The following CHRM3 variants were observed in gnomAD, a reference collection of about 807,000 sequenced individuals.
CHRM3 encodes muscarinic acetylcholine receptor M3.
CHRM3 carries 11 observed loss-of-function variants against 41.8 expected under a neutral mutation model. The ratio of observed to expected loss-of-function variants is 0.26; its 90% CI spans 0.17 to 0.44. The LOEUF is 0.44. Ranked by LOEUF, CHRM3 falls within the 20% of genes least tolerant of loss-of-function variation. The pLI, the probability that CHRM3 is intolerant of heterozygous loss-of-function variation, is 1.00. For missense variants in CHRM3, 571 were observed against 745.4 expected, an observed-to-expected ratio of 0.77 and a Z score of 2.72; for synonymous variants, 297 against 301.4, an observed-to-expected ratio of 0.99 and a Z score of 0.15.
intron 6 of CHRM3, among the ~76,000 whole-genome samples, chr1:239,866,512 T>A (rs1247850920): frequency 2.0e-5 from 3 of 152,200 alleles, no homozygotes; most frequent in Non-Finnish European, 4.4e-5. Flanking sequence ...TCGGCTCTGT[T>A]TTTAAATACC....
At chr1:239,397,747 CTA>C (rs988895169) in intron 1 of CHRM3, among the ~76,000 whole-genome samples, 3 of 145,738 alleles carry the variant, frequency 2.1e-5, no homozygotes, top group Non-Finnish European at 1.5e-5. Flanking sequence ...AAAAATATAT[CTA>C]TATATATTTC....
rs1292647872 is a variant in CHRM3 at position 239,910,106 on chromosome 1, C to T, written c.*882C>T. 2 of 166,904 alleles carry T rather than the reference C, an allele frequency of 1.2e-5. No individual in the cohort carries two copies. The highest frequency in any genetic ancestry group is 1.9e-4 in the East Asian group (1 of 5,166). 10.3% of individuals were successfully genotyped at this position (166,904 alleles called of 1,614,324 possible). On this transcript the variant is annotated 3_prime_UTR_variant, in exon 7 of 7. Transcript: ENST00000676153. ...GTGAGTCAGCTGAGCGCCGTGGCTT[C>T]GCCAGACTTGGTGTTAAGCAACCTC...
intron 5 of CHRM3, among the ~76,000 whole-genome samples, chr1:239,681,915 A>T (rs1658606126): frequency 6.6e-6 from 1 of 152,162 alleles, no homozygotes; most frequent in Admixed American, 6.5e-5. Flanking sequence ...AGATGTTATA[A>T]GGTGTTGAAT....
chr1:239,437,299 C>T (rs970126639), intron 1 of CHRM3, among the ~76,000 whole-genome samples: 23 of 152,186 alleles, frequency 1.5e-4, no homozygotes, highest in African/African-American at 5.5e-4. Context: ...TTTGTAGAGA[C>T]AGGGTCTTGC....
chr1:239,430,442 C>A (rs55724527), intron 1 of CHRM3, among the ~76,000 whole-genome samples: 3,386 of 152,014 alleles, frequency 0.022, 104 homozygotes, highest in African/African-American at 0.078. Flanking sequence ...AAAATAGGTA[C>A]AACATTTACA....
chr1:239,532,355 CA>C (rs1657696929), intron 2 of CHRM3, among the ~76,000 whole-genome samples: 1 of 147,824 alleles, frequency 6.8e-6, no homozygotes, highest in African/African-American at 2.5e-5. Context: ...TGGCCAGGCG[CA>C]GTGGCTCACG....
In CHRM3 at chr1:239,907,428, C is replaced by G; in HGVS notation, c.-19-5C>G. On this transcript the variant is annotated splice_region_variant and splice_polypyrimidine_tract_variant and intron_variant, in intron 6 of 6. Transcript: ENST00000676153. The surrounding 1 kb of genome is among the most constrained non-coding windows in gnomAD (Gnocchi z 5.4). The stretch of plus-strand genomic sequence containing the variant: ...CTAACTCTGTCTCTTCTCTCTTTCC[C>G]CCAGACTATGTCAGAGAGTCACAAT... 6.3e-7 allele frequency: 1 copy of G among 1,592,862 alleles called. No individual in the cohort carries two copies. Among genetic ancestry groups the G allele is most frequent in the South Asian group, 1.1e-5 (1 of 88,722 alleles).
At chr1:239,905,161 G>T (rs2103034405) in intron 6 of CHRM3, among the ~76,000 whole-genome samples, 1 of 152,266 alleles carries the variant, frequency 6.6e-6, no homozygotes, top group African/African-American at 2.4e-5. Flanking sequence ...ATTTTAACAT[G>T]CACATCAATT....
At chr1:239,496,109 A>G (rs1028629796) in intron 2 of CHRM3, among the ~76,000 whole-genome samples, 1 of 152,062 alleles carries the variant, frequency 6.6e-6, no homozygotes, top group Admixed American at 6.6e-5. Context: ...ACGACTCCTT[A>G]TTGGCTGACG....
intron 1 of CHRM3, among the ~76,000 whole-genome samples, chr1:239,407,413 T>G (rs1178116077): frequency 1.9e-5 from 2 of 106,950 alleles, no homozygotes; most frequent in Admixed American, 8.7e-5. Context: ...TAAATATATA[T>G]ATATAGAGAG....
At chr1:239,491,019 C>A (rs1331956012) in intron 1 of CHRM3, among the ~76,000 whole-genome samples, 3 of 152,126 alleles carry the variant, frequency 2.0e-5, no homozygotes, top group Admixed American at 6.6e-5. Flanking sequence ...GGATTACAGG[C>A]ATGAGCTGTG....
chr1:239,586,865 T>G (rs1305233311), intron 3 of CHRM3, among the ~76,000 whole-genome samples: 1 of 152,194 alleles, frequency 6.6e-6, no homozygotes, highest in Non-Finnish European at 1.5e-5. Context: ...CTAGATTCTG[T>G]CTGGTAGAGA....
At position 239,800,618 on chromosome 1, in the gene CHRM3, C is replaced by G. The variant is rs550610120; in HGVS notation, c.-146-26634C>G. Among the ~76,000 whole-genome samples, 9 of 152,264 alleles carry G rather than the reference C, an allele frequency of 5.9e-5. No individual in the cohort carries two copies. The South Asian group carries it at 1.7e-3, about 28-fold the overall frequency. ...TCTGCAATTCTTACAACGTCCAAGTCCAAGGAGATGCCAGCATGCTGGCCC... is the reference window on the plus strand; with the variant it reads ...TCTGCAATTCTTACAACGTCCAAGTGCAAGGAGATGCCAGCATGCTGGCCC... On this transcript the variant is annotated intron_variant, in intron 5 of 6. Coordinates refer to ENST00000676153, the MANE Select transcript of CHRM3 (RefSeq NM_001375978.1).
At position 239,912,995 on chromosome 1, in the gene CHRM3, C is replaced by G. The variant is rs376291205; in HGVS notation, c.*3771C>G. Reference sequence around the variant, plus strand: ...ACTAAGCAACAACACCGAAGCTTCTCTAATTTGCCTTCTGATGCCAAATCG... The same window carrying G: ...ACTAAGCAACAACACCGAAGCTTCTGTAATTTGCCTTCTGATGCCAAATCG... On this transcript the variant is annotated 3_prime_UTR_variant, in exon 7 of 7. Coordinates refer to ENST00000676153, the MANE Select transcript of CHRM3 (RefSeq NM_001375978.1). 75 of 167,182 alleles carry G rather than the reference C, an allele frequency of 4.5e-4. No individual in the cohort carries two copies. Among genetic ancestry groups the G allele is most frequent in the African/African-American group, 1.7e-3 (70 of 41,574 alleles). 10.4% of individuals were successfully genotyped at this position (167,182 alleles called of 1,614,324 possible). A position where few individuals can be genotyped will look rare whatever the true frequency, so the allele number is the denominator to read the frequency against.
At chr1:239,479,832 G>A (rs1255324666) in intron 1 of CHRM3, among the ~76,000 whole-genome samples, 1 of 152,202 alleles carries the variant, frequency 6.6e-6, no homozygotes, top group African/African-American at 2.4e-5. Context: ...ACTGCAAGTT[G>A]CTCTAGGTGA....
At chr1:239,555,592 TG>T (rs1660274858) in intron 3 of CHRM3, among the ~76,000 whole-genome samples, 2 of 152,176 alleles carry the variant, frequency 1.3e-5, no homozygotes, top group Admixed American at 1.3e-4. Context: ...CCTCTTTCCA[TG>T]GCAATGACTG....
At chr1:239,799,773 G>A (rs1379812129) in intron 5 of CHRM3, among the ~76,000 whole-genome samples, 2 of 152,134 alleles carry the variant, frequency 1.3e-5, no homozygotes, top group African/African-American at 2.4e-5. Flanking sequence ...TGTCTCAGGG[G>A]GAGAAAAGGA....
intron 1 of CHRM3, among the ~76,000 whole-genome samples, chr1:239,399,334 ATTT>A (rs71567244): frequency 1.9e-4 from 26 of 135,202 alleles, no homozygotes; most frequent in African/African-American, 6.5e-4. Flanking sequence ...ATGACCTCTG[ATTT>A]TTTTTTTTTT....
At chr1:239,869,503 C>T (rs1319131291) in intron 6 of CHRM3, among the ~76,000 whole-genome samples, 2 of 152,036 alleles carry the variant, frequency 1.3e-5, no homozygotes, top group Admixed American at 6.5e-5. Context: ...TGGAGGTAAG[C>T]CTTAAAGTGG....
Sources: allele counts gnomAD v4.1 joint callset (sites outside exome capture counted in the v4.1 genomes callset), GRCh38; gene constraint gnomAD v4.1.1; non-coding constraint Gnocchi (gnomAD v3.1); transcripts MANE v1.5; gene names NCBI Gene and HGNC (gene_info 2026-07-23, HGNC 2026-07-21).